The following SNRNP200 variants were observed in gnomAD, a reference collection of about 807,000 sequenced individuals.
SNRNP200 encodes the protein U5 small nuclear ribonucleoprotein 200 kDa helicase.
SNRNP200 carries 66 observed loss-of-function variants against 255.2 expected under a neutral mutation model. That is an observed-to-expected ratio of 0.26 (90% CI 0.21 to 0.32). SNRNP200 has a LOEUF of 0.32. Among genes scored for constraint, SNRNP200 ranks in the 10% least tolerant of loss-of-function variants. The pLI, the probability that SNRNP200 is intolerant of heterozygous loss-of-function variation, is 1.00. For synonymous variants in SNRNP200, 939 were observed against 1,027.8 expected (o/e 0.91, Z 1.65); for missense variants, 1,585 against 2,749.8 (o/e 0.58, Z 9.47).
intron 21 of SNRNP200, 76 bp from the exon 22 acceptor site, chr2:96,289,455 G>A: frequency 6.6e-7 from 1 of 1,515,606 alleles, no homozygotes; most frequent in Non-Finnish European, 9.1e-7. Context: ...ATAAGTTACT[G>A]TCCTATAGGT....
intron 4 of SNRNP200, 40 bp from the exon 5 acceptor site, chr2:96,301,093 G>T: frequency 1.3e-6 from 2 of 1,584,008 alleles, no homozygotes; most frequent in Non-Finnish European, 1.7e-6. Context: ...GCAGTGAATG[G>T]CTAGTAAAAC....
In SNRNP200 at chr2:96,298,335, T is replaced by C. The variant is rs761588227; in HGVS notation, c.1068A>G (p.Leu356=). The change falls in exon 9 of 45, where the codon CTA becomes CTG. Residue 356 remains leucine, a synonymous_variant. Coordinates refer to ENST00000323853, the MANE Select transcript of SNRNP200 (RefSeq NM_014014.5). ...CATGAAGCTGGTAGAGGAACTTGGA[T>C]AGCTCTGGGTCAGCTTCCATCTTTC... is the stretch of plus-strand genomic sequence containing the variant. ...IMGKMEADPE[L]SKFLYQLHET... The C allele has an allele frequency of 1.9e-6, 3 of 1,614,254 alleles. No homozygotes were observed. Among genetic ancestry groups the C allele is most frequent in the Admixed American group, 3.3e-5 (2 of 60,026 alleles).
At chr2:96,281,141 G>A (rs1232848194) in intron 35 of SNRNP200, 1 of 151,238 alleles carries the variant, frequency 6.6e-6, no homozygotes, top group East Asian at 1.9e-4. Context: ...TGGGATTACA[G>A]GTGTGAGCCA....
In SNRNP200 at chr2:96,296,999, C is replaced by T; in HGVS notation, c.1449G>A (p.Arg483=). 6.2e-7 allele frequency: 1 copy of T among 1,614,214 alleles called. No individual in the cohort carries two copies. The highest frequency in any genetic ancestry group is 8.5e-7 in the Non-Finnish European group (1 of 1,180,038). The change falls in exon 12 of 45, where the codon CGG becomes CGA. Residue 483 remains arginine, a synonymous_variant. Coordinates refer to ENST00000323853, the MANE Select transcript of SNRNP200 (RefSeq NM_014014.5). ...AGFEGFKTLN[R]IQSKLYRAAL... ...CAGCACGGTAGAGCTTACTCTGGATCCGATTCAGTGTTTTGAAGCCCTCAA... is the reference window on the plus strand; with the variant it reads ...CAGCACGGTAGAGCTTACTCTGGATTCGATTCAGTGTTTTGAAGCCCTCAA...
intron 43 of SNRNP200, 83 bp downstream of exon 43, chr2:96,276,821 A>T: frequency 8.0e-7 from 1 of 1,248,392 alleles, no homozygotes; most frequent in Non-Finnish European, 1.2e-6. Context: ...TCCCTCCCTC[A>T]GGGACAGTGT....
In SNRNP200 at chr2:96,297,463, T is replaced by C. The variant is rs1328598369; in HGVS notation, c.1277A>G (p.Lys426Arg). 2 of 1,614,124 alleles carry C rather than the reference T, an allele frequency of 1.2e-6. No homozygotes were observed. Among genetic ancestry groups the C allele is most frequent in the Admixed American group, 3.3e-5 (2 of 60,012 alleles). ...GGATCCATCAGGAAGCTGACAGCGT[T>C]TATTGGCCATAAAGTGGCTCCCTTG... ...FTQGSHFMAN[K>R]RCQLPDGSFR... The change falls in exon 11 of 45, where the codon AAA becomes AGA. Residue 426 changes from lysine to arginine, a missense_variant. Around this residue, in one of 9 missense-constraint regions of SNRNP200, gnomAD observed 383 missense variants for 645.3 expected, o/e 0.59. Transcript: ENST00000323853.
chr2:96,303,086 C>A, intron 3 of SNRNP200, 73 bp downstream of exon 3: 1 of 1,526,014 alleles, frequency 6.6e-7, no homozygotes, highest in Admixed American at 1.7e-5. Context: ...TTCGAAGATT[C>A]CAAGGATCTT....
intron 13 of SNRNP200, among the ~76,000 whole-genome samples, 156 bp downstream of exon 13, chr2:96,296,380 C>T (rs890074061): frequency 6.6e-6 from 1 of 152,150 alleles, no homozygotes; most frequent in Non-Finnish European, 1.5e-5. Context: ...GGTTAAGTTC[C>T]ATCTTGGAAA....
At chr2:96,279,917 G>GT (rs1009087029) in intron 35 of SNRNP200, 7 of 323,532 alleles carry the variant, frequency 2.2e-5, no homozygotes, top group Admixed American at 4.4e-5. Context: ...GTTTTTATTT[G>GT]TTTTTTGATA....
At chr2:96,281,500 G>A (rs565805027) in intron 35 of SNRNP200, 63 of 374,020 alleles carry the variant, frequency 1.7e-4, no homozygotes, top group African/African-American at 1.3e-3. Context: ...CACTATATAG[G>A]TGTATGACCT....
rs2063896061 is a variant in SNRNP200 at position 96,293,465 on chromosome 2, T to G, written c.1887A>C (p.Glu629Asp). ...LLHDDRGPVL[E>D]ALVARAIRNI... is the part of the protein sequence containing the mutation. ...TTCGGATGGCCCTGGCCACTAAAGCTTCTAAGACAGGACCTCTGTCATCGT... is the reference window on the plus strand; with the variant it reads ...TTCGGATGGCCCTGGCCACTAAAGCGTCTAAGACAGGACCTCTGTCATCGT... Residue 629 changes from glutamate (E) to aspartate (D), a missense_variant, in exon 15 of 45, where the codon GAA (glutamate) becomes GAC (aspartate). Transcript: ENST00000323853. 1.2e-6 allele frequency: 2 copies of G among 1,612,820 alleles called. No homozygotes were observed. Among genetic ancestry groups the G allele is most frequent in the African/African-American group, 1.3e-5 (1 of 75,026 alleles).
intron 23 of SNRNP200, 26 bp downstream of exon 23, chr2:96,289,011 T>A: frequency 5.7e-6 from 9 of 1,583,168 alleles, no homozygotes; most frequent in Non-Finnish European, 7.8e-6. Flanking sequence ...CTCATCCTTA[T>A]CAAAGCAAAG....
At chr2:96,284,845 G>A in intron 30 of SNRNP200, 1 of 538,438 alleles carries the variant, frequency 1.9e-6, no homozygotes, top group Non-Finnish European at 3.3e-6. Context: ...CGCCTCCCGG[G>A]TTCAAGCGAT....
chr2:96,300,527 G>A (rs1490275811), intron 5 of SNRNP200, among the ~76,000 whole-genome samples: 1 of 152,146 alleles, frequency 6.6e-6, no homozygotes, highest in Non-Finnish European at 1.5e-5. Flanking sequence ...TTGGGAGGCC[G>A]ACGGGGGGCG....
In SNRNP200 at chr2:96,275,069, C is replaced by T; in HGVS notation, c.6354G>A (p.Gln2118=). Residue 2118 remains glutamine (Q), a synonymous_variant, in exon 45 of 45, where the codon CAG becomes CAA. Coordinates refer to ENST00000323853, the MANE Select transcript of SNRNP200 (RefSeq NM_014014.5). ...TCACATCCACGCTGAATTTGTACTC[C>T]TGGTCACATCCCATGTAAGCGTCAC... is the stretch of plus-strand genomic sequence containing the variant. ...FMSDAYMGCD[Q]EYKFSVDVKE... is the part of the protein sequence containing the mutation. The T allele has an allele frequency of 6.2e-7, 1 of 1,614,242 alleles. No homozygotes were observed. Among genetic ancestry groups the T allele is most frequent in the East Asian group, 2.2e-5 (1 of 44,896 alleles).
chr2:96,276,691 A>G, intron 43 of SNRNP200: 1 of 648,082 alleles, frequency 1.5e-6, no homozygotes, highest in Non-Finnish European at 2.8e-6. Flanking sequence ...AAGTGCTGGG[A>G]TTACAGGCGT....
At chr2:96,300,810 G>A (rs975939052) in intron 5 of SNRNP200, among the ~76,000 whole-genome samples, 188 bp downstream of exon 5, 4 of 152,020 alleles carry the variant, frequency 2.6e-5, no homozygotes, top group Admixed American at 6.6e-5. Context: ...TTAAATTTGC[G>A]GTAGCAAAGT....
Position 96,299,446 on chromosome 2 carries a change from C to T in SNRNP200, c.631-19G>A, listed in dbSNP as rs747315812. 1.4e-5 allele frequency: 23 copies of T among 1,593,250 alleles called. No individual in the cohort carries two copies. The highest frequency in any genetic ancestry group is 2.0e-5 in the Non-Finnish European group (23 of 1,161,372). Reference sequence around the variant, plus strand: ...CACCTTCCTGTGGAAATGACCCCAACTCAACCATGATCTGGAGCTGATCCT... The same window carrying T: ...CACCTTCCTGTGGAAATGACCCCAATTCAACCATGATCTGGAGCTGATCCT... On this transcript the variant is annotated intron_variant, in intron 5 of 44. Coordinates refer to ENST00000323853, the MANE Select transcript of SNRNP200 (RefSeq NM_014014.5).
chr2:96,301,894 T>C (rs1446949541), intron 3 of SNRNP200, among the ~76,000 whole-genome samples, 178 bp from the exon 4 acceptor site: 1 of 152,202 alleles, frequency 6.6e-6, no homozygotes, highest in Admixed American at 6.5e-5. Context: ...TGTCTGTTTT[T>C]AAAAAGATTA....
Sources: gnomAD v4.1 joint callset for allele counts (sites outside exome capture counted in the v4.1 genomes callset) on GRCh38, gnomAD v4.1.1 for gene constraint, gnomAD v4.1.1 regional missense constraint, MANE v1.5 for transcripts, NCBI Gene and HGNC (gene_info 2026-07-23, HGNC 2026-07-21) for gene names.